The following KRABD4 variants were observed in gnomAD, a reference collection of about 807,000 sequenced individuals.
The protein encoded by KRABD4 is KRAB domain containing 4, also known as KRAB domain-containing protein 4.
chrX:46,456,526 G>T, the KRABD4 span: 1 of 213,004 alleles, frequency 4.7e-6, no homozygotes, highest in South Asian at 1.1e-4. Context: ...TCTTCCAAGT[G>T]AACATTGTAT....
chrX:46,465,220 C>G, the KRABD4 span, among the ~76,000 whole-genome samples: 532 of 113,166 alleles, frequency 4.7e-3, 3 homozygotes, highest in African/African-American at 0.016. Flanking sequence ...TTCTTTAGCT[C>G]AAACACAACC....
the KRABD4 span, among the ~76,000 whole-genome samples, chrX:46,452,893 A>C: frequency 8.9e-6 from 1 of 112,085 alleles, no homozygotes; most frequent in Non-Finnish European, 1.9e-5. Flanking sequence ...ATTGTGAGGG[A>C]GAAAAGAGTC....
At chrX:46,464,066 A>AAC in the KRABD4 span, among the ~76,000 whole-genome samples, 5 of 109,859 alleles carry the variant, frequency 4.6e-5, no homozygotes, top group Non-Finnish European at 7.6e-5. Flanking sequence ...AAAAAAAAAA[A>AAC]ACACACTTGA....
the KRABD4 span, chrX:46,448,787 C>T: frequency 8.8e-6 from 1 of 113,156 alleles, no homozygotes; most frequent in African/African-American, 3.2e-5. Flanking sequence ...CCTATTTGTG[C>T]ACCCCTGTGT....
At chrX:46,468,226 T>C in the KRABD4 span, among the ~76,000 whole-genome samples, 2 of 111,708 alleles carry the variant, frequency 1.8e-5, no homozygotes, top group African/African-American at 6.5e-5. Context: ...GTGATCCGTT[T>C]ATTATTTGAC....
the KRABD4 span, among the ~76,000 whole-genome samples, chrX:46,457,857 T>C: frequency 9.1e-6 from 1 of 110,174 alleles, no homozygotes; most frequent in African/African-American, 3.3e-5. Flanking sequence ...ATTCTCCCGC[T>C]CAGCCTCCCA....
the KRABD4 span, among the ~76,000 whole-genome samples, chrX:46,470,041 TC>T: frequency 9.0e-6 from 1 of 111,265 alleles, no homozygotes; most frequent in Non-Finnish European, 1.9e-5. Context: ...TTTCTGTTCA[TC>T]CCCCCAACCA....
chrX:46,463,789 T>G, the KRABD4 span, among the ~76,000 whole-genome samples: 1 of 109,851 alleles, frequency 9.1e-6, no homozygotes, highest in Non-Finnish European at 1.9e-5. Context: ...TTGTTTGTTT[T>G]TTGTTTGTTT....
At chrX:46,468,137 A>G in the KRABD4 span, among the ~76,000 whole-genome samples, 3 of 111,703 alleles carry the variant, frequency 2.7e-5, no homozygotes, top group African/African-American at 9.8e-5. Flanking sequence ...ATATTTTTAT[A>G]TTATTTTTAC....
the KRABD4 span, chrX:46,450,431 A>G: frequency 8.4e-7 from 1 of 1,196,467 alleles, no homozygotes; most frequent in Non-Finnish European, 1.1e-6. Context: ...GCCTTTATAG[A>G]TCTCCATCCT....
At chrX:46,463,169 C>T in the KRABD4 span, 31 of 1,190,982 alleles carry the variant, frequency 2.6e-5, no homozygotes, top group Middle Eastern at 9.3e-4. Flanking sequence ...GCATTAATAA[C>T]GAAGTCCTAT....
At chrX:46,465,125 T>C in the KRABD4 span, among the ~76,000 whole-genome samples, 1 of 112,849 alleles carries the variant, frequency 8.9e-6, no homozygotes, top group East Asian at 2.7e-4. Context: ...GTTCCTTTAT[T>C]GGTTACATTT....
chrX:46,450,566 C>G, the KRABD4 span: 1 of 814,433 alleles, frequency 1.2e-6, no homozygotes, highest in Non-Finnish European at 1.8e-6. Context: ...CCAATTATCC[C>G]CTCTTCTCTG....
At chrX:46,453,405 A>G in the KRABD4 span, among the ~76,000 whole-genome samples, 1 of 110,345 alleles carries the variant, frequency 9.1e-6, no homozygotes, top group Non-Finnish European at 1.9e-5. Context: ...AAATTAGGTG[A>G]CAATTTAAGA....
chrX:46,461,946 CTTGAGTGTCT>C, the KRABD4 span, among the ~76,000 whole-genome samples: 78 of 109,938 alleles, frequency 7.1e-4, no homozygotes, highest in East Asian at 3.2e-3. Flanking sequence ...CTATGAGTGT[CTTGAGTGTCT>C]TAAGTGTCAC....
chrX:46,449,759 A>G, the KRABD4 span, among the ~76,000 whole-genome samples: 4 of 111,401 alleles, frequency 3.6e-5, no homozygotes, highest in Admixed American at 9.5e-5. Flanking sequence ...GTTGCTTCCA[A>G]TTTTTTTGTT....
chrX:46,471,252 C>G, the KRABD4 span: 10 of 1,008,200 alleles, frequency 9.9e-6, no homozygotes, highest in Non-Finnish European at 1.3e-5. Flanking sequence ...TTGTAATGTC[C>G]CTCTTTGTGC....
chrX:46,460,284 G>T, the KRABD4 span, among the ~76,000 whole-genome samples: 19 of 110,876 alleles, frequency 1.7e-4, no homozygotes, highest in African/African-American at 6.2e-4. Context: ...GGGTGTGGTG[G>T]TGCATGCCTA....
chrX:46,472,937 T>A, the KRABD4 span: 2 of 1,211,593 alleles, frequency 1.7e-6, no homozygotes, highest in Non-Finnish European at 2.2e-6. Context: ...CTAAATATTA[T>A]TCGTGGGAAA....
Sources: allele counts gnomAD v4.1 joint callset (sites outside exome capture counted in the v4.1 genomes callset), GRCh38; gene constraint gnomAD v4.1.1; transcripts MANE v1.5; gene names NCBI Gene and HGNC (gene_info 2026-07-23, HGNC 2026-07-21).